NIPSNAP1: variants seen among roughly 807,000 people sequenced by gnomAD.
NIPSNAP1 encodes nipsnap homolog 1.
Under a neutral mutation model 49.2 loss-of-function variants are expected in NIPSNAP1, and 25 were observed. The observed-to-expected ratio is 0.51, with a 90% CI of 0.37 to 0.71. The LOEUF (loss-of-function observed/expected upper bound fraction) is 0.71. NIPSNAP1 is among the 30% of genes least tolerant of loss of function. The pLI is 0.00. For synonymous variants in NIPSNAP1, 143 were observed against 140.7 expected, an observed-to-expected ratio of 1.02 and a Z score of -0.12; for missense variants, 294 against 361.0, an observed-to-expected ratio of 0.81 and a Z score of 1.50.
intron 4 of NIPSNAP1, among the ~76,000 whole-genome samples, chr22:29,564,547 G>A (rs2064356960): frequency 6.6e-6 from 1 of 152,132 alleles, no homozygotes; most frequent in South Asian, 2.1e-4. Context: ...CCAAGTAGCT[G>A]GGATTACAGG....
Position 29,564,227 on chromosome 22 carries a change from C to T in NIPSNAP1, c.368-2365G>A. 5 of 431,344 alleles carry T rather than the reference C, an allele frequency of 1.2e-5. 1 individual carries two copies. The highest frequency in any genetic ancestry group is 8.7e-5 in the South Asian group (5 of 57,194). The allele number at this position is 431,344 out of a possible 1,614,324, so 26.7% of individuals were successfully genotyped here. A position where few individuals can be genotyped will look rare whatever the true frequency, so the allele number is the denominator to read the frequency against. ...GTAACTTCCCATCCCCATCCCCAGC[C>T]TGACCTTCACCTGTTTTTTGACTCC... On this transcript the variant is annotated intron_variant, in intron 4 of 9. Coordinates refer to ENST00000216121, the MANE Select transcript of NIPSNAP1 (RefSeq NM_003634.4).
At chr22:29,580,877 CCA>C in intron 1 of NIPSNAP1, 106 bp downstream of exon 1, 1 of 915,796 alleles carries the variant, frequency 1.1e-6, no homozygotes, top group Non-Finnish European at 1.6e-6. Context: ...CCTCTAACCC[CCA>C]GATTCCAAGC....
chr22:29,569,227 G>A lies in NIPSNAP1; in HGVS notation c.333C>T (p.Asn111=). ...CCTGCTCCCCATACCACGTGTTCCA[G>A]TTGCCCACGAGTGAGCATGGGTAGT... ...DEDYPCSLVG[N]WNTWYGEQDQ... Residue 111 remains asparagine (N), a synonymous_variant, in exon 4 of 10, where the codon AAC becomes AAT. Transcript: ENST00000216121. The A allele has an allele frequency of 6.2e-7, 1 of 1,614,084 alleles. No homozygotes were observed. The highest frequency in any genetic ancestry group is 1.1e-5 in the South Asian group (1 of 91,080).
chr22:29,577,376 C>T (rs1420965258), intron 1 of NIPSNAP1, among the ~76,000 whole-genome samples: 3 of 151,102 alleles, frequency 2.0e-5, no homozygotes, highest in South Asian at 2.1e-4. Context: ...CCTCAGCCTC[C>T]GGAGTAGTTG....
At chr22:29,570,657 CTG>C in intron 1 of NIPSNAP1, 125 bp from the exon 2 acceptor site, 1 of 1,263,394 alleles carries the variant, frequency 7.9e-7, no homozygotes, top group Non-Finnish European at 1.1e-6. Context: ...CCACGGAGTC[CTG>C]TGGCAGCTCC....
chr22:29,564,129 G>A (rs563312877), intron 4 of NIPSNAP1: 170 of 335,488 alleles, frequency 5.1e-4, no homozygotes, highest in South Asian at 3.4e-3. Flanking sequence ...GCGGAGGAAG[G>A]TCCCCAGGGG....
At position 29,561,496 on chromosome 22, in the gene NIPSNAP1, A is replaced by G. The variant is rs768928750; in HGVS notation, c.579+10T>C. ...TGGGGGGCAGGAGGGGGTCTGTCGG[A>G]GGGAGGCACCTTGAGCTTGTATGTC... On this transcript the variant is annotated intron_variant, in intron 6 of 9. Transcript: ENST00000216121. The G allele has an allele frequency of 2.7e-5, 44 of 1,613,768 alleles. No individual in the cohort carries two copies. Among genetic ancestry groups the G allele is most frequent in the Non-Finnish European group, 3.6e-5 (43 of 1,179,900 alleles).
intron 4 of NIPSNAP1, among the ~76,000 whole-genome samples, chr22:29,562,992 G>A (rs543879288): frequency 2.6e-5 from 4 of 151,998 alleles, no homozygotes; most frequent in South Asian, 2.1e-4. Flanking sequence ...CCAGCTACTC[G>A]GGAGGCTGAA....
At chr22:29,562,151 A>G (rs2064340535) in intron 4 of NIPSNAP1, among the ~76,000 whole-genome samples, 4 of 151,908 alleles carry the variant, frequency 2.6e-5, no homozygotes, top group Admixed American at 2.6e-4. Context: ...TTCCCACCCC[A>G]CCTTCCTTAA....
intron 1 of NIPSNAP1, among the ~76,000 whole-genome samples, chr22:29,578,888 C>T (rs913951662): frequency 1.3e-5 from 2 of 151,056 alleles, no homozygotes; most frequent in African/African-American, 2.5e-5. Context: ...CCAATCCATT[C>T]TGTCCCTTCC....
chr22:29,572,027 G>C (rs1219270499), intron 1 of NIPSNAP1, among the ~76,000 whole-genome samples: 1 of 152,134 alleles, frequency 6.6e-6, no homozygotes, highest in Admixed American at 6.6e-5. Flanking sequence ...CTTAGGCTGG[G>C]TGTGATGGCT....
At chr22:29,578,609 A>G (rs2064473583) in intron 1 of NIPSNAP1, among the ~76,000 whole-genome samples, 1 of 151,418 alleles carries the variant, frequency 6.6e-6, no homozygotes, top group Non-Finnish European at 1.5e-5. Context: ...GAGGGGCAGC[A>G]GGACAGAGTG....
chr22:29,557,112 ATTTTTTT>A (rs1243018050), intron 9 of NIPSNAP1, among the ~76,000 whole-genome samples: 1 of 147,578 alleles, frequency 6.8e-6, no homozygotes, highest in South Asian at 2.2e-4. Context: ...ACCACACTTG[ATTTTTTT>A]TGTTTTTTGT....
At chr22:29,564,958 GGA>G (rs1314157314) in intron 4 of NIPSNAP1, among the ~76,000 whole-genome samples, 3 of 151,948 alleles carry the variant, frequency 2.0e-5, no homozygotes, top group African/African-American at 7.2e-5. Context: ...GGCTGAGGCA[GGA>G]GAGGAGCACT....
intron 3 of NIPSNAP1, 113 bp downstream of exon 3, chr22:29,570,049 A>T (rs2064396493): frequency 1.2e-6 from 1 of 854,674 alleles, no homozygotes; most frequent in South Asian, 1.4e-5. Flanking sequence ...AAAGAAATCT[A>T]CATCTCCTGG....
Position 29,561,865 on chromosome 22 carries a change from G to C in NIPSNAP1, c.368-3C>G. ...ACCTGAGAATCGCCACAGGTGCACT[G>C]TTGGGGGTGAGAGGTATAGGTCAGT... On this transcript the variant is annotated splice_polypyrimidine_tract_variant and splice_region_variant and intron_variant, in intron 4 of 9. Transcript: ENST00000216121. 6.2e-7 allele frequency: 1 copy of C among 1,614,042 alleles called. No individual in the cohort carries two copies. Among genetic ancestry groups the C allele is most frequent in the Non-Finnish European group, 8.5e-7 (1 of 1,179,966 alleles).
intron 1 of NIPSNAP1, chr22:29,580,297 C>G: frequency 2.4e-6 from 3 of 1,238,122 alleles, no homozygotes; most frequent in Non-Finnish European, 3.1e-6. Context: ...TGCCCAGGGC[C>G]AGTCAGGGAG....
chr22:29,577,944 G>A (rs901547907), intron 1 of NIPSNAP1, among the ~76,000 whole-genome samples: 1 of 146,094 alleles, frequency 6.8e-6, no homozygotes, highest in Non-Finnish European at 1.5e-5. Flanking sequence ...TATCACCCAG[G>A]CTGGAGTGCA....
rs778385643 is a variant in NIPSNAP1, at chr22:29,561,472, G to A, written c.579+34C>T. On this transcript the variant is annotated intron_variant, in intron 6 of 9. Coordinates refer to ENST00000216121, the MANE Select transcript of NIPSNAP1 (RefSeq NM_003634.4). ...AAAGCAGCATTGCAGCAGGGAAATT[G>A]GGGGGCAGGAGGGGGTCTGTCGGAG... 3.1e-6 allele frequency: 5 copies of A among 1,613,300 alleles called. No homozygotes were observed. The East Asian group carries it at 6.7e-5, about 22-fold the overall frequency.
Sources: gnomAD v4.1 joint callset for allele counts (sites outside exome capture counted in the v4.1 genomes callset) on GRCh38, gnomAD v4.1.1 for gene constraint, MANE v1.5 for transcripts, NCBI Gene and HGNC (gene_info 2026-07-23, HGNC 2026-07-21) for gene names.